Variants in CDKN3 observed in about 807,000 individuals in gnomAD.
The protein encoded by CDKN3 is cyclin dependent kinase inhibitor 3.
A neutral mutation model predicts 36.1 loss-of-function variants in CDKN3; 19 were observed. The observed-to-expected ratio is 0.53, with a 90% CI of 0.37 to 0.77. CDKN3 has a LOEUF of 0.77. Ranked by LOEUF, CDKN3 falls within the 30% of genes least tolerant of loss-of-function variation. The pLI is 0.00. For missense variants in CDKN3, 188 were observed against 248.6 expected, an observed-to-expected ratio of 0.76 and a Z score of 1.64; for synonymous variants, 71 against 85.3, an observed-to-expected ratio of 0.83 and a Z score of 0.92.
At chr14:54,409,900 A>AG (rs2030292721) in intron 4 of CDKN3, among the ~76,000 whole-genome samples, 3 of 152,028 alleles carry the variant, frequency 2.0e-5, no homozygotes, top group Admixed American at 1.3e-4. Context: ...CAAAAAAAAA[A>AG]AAAAAGTATT....
intron 3 of CDKN3, among the ~76,000 whole-genome samples, chr14:54,406,459 G>A (rs551925631): frequency 1.8e-4 from 28 of 152,120 alleles, no homozygotes; most frequent in African/African-American, 4.8e-4. Flanking sequence ...CATTCTCCCC[G>A]TCACTTTCAG....
chr14:54,399,431 A>G (rs1594597558), intron 1 of CDKN3, among the ~76,000 whole-genome samples: 1 of 152,038 alleles, frequency 6.6e-6, no homozygotes, highest in Admixed American at 6.6e-5. Flanking sequence ...CTTATATAAT[A>G]CCTTTCTTCT....
At position 54,411,574 on chromosome 14, in the gene CDKN3, T is replaced by C; in HGVS notation, c.284T>C (p.Leu95Pro). 1 of 1,614,120 alleles carries C rather than the reference T, an allele frequency of 6.2e-7. No homozygotes were observed. Among genetic ancestry groups the C allele is most frequent in the Non-Finnish European group, 8.5e-7 (1 of 1,179,998 alleles). ...TATAGAGTCCCAAACCTTCTGGATC[T>C]CTACCAGCAATGTGGAATTATCACC... ...SKYRVPNLLDLYQQCGIITHH... is the reference protein window; with the variant it reads ...SKYRVPNLLDPYQQCGIITHH... The change falls in exon 5 of 8, where the codon CTC becomes CCC. Residue 95 changes from leucine to proline, a missense_variant. Transcript: ENST00000335183.
chr14:54,406,642 C>T (rs1299227393), intron 3 of CDKN3, among the ~76,000 whole-genome samples: 2 of 151,870 alleles, frequency 1.3e-5, no homozygotes, highest in African/African-American at 4.8e-5. Context: ...GCTATTGATA[C>T]TTGTGTATGC....
In CDKN3 at chr14:54,397,013, G is replaced by A. The variant is rs1256927233; in HGVS notation, c.-56G>A. 1.4e-6 allele frequency: 2 copies of A among 1,438,006 alleles called. No individual in the cohort carries two copies. The highest frequency in any genetic ancestry group is 2.9e-5 in the East Asian group (1 of 34,352). The allele number at this position is 1,438,006 out of a possible 1,614,324, so 89.1% of individuals were successfully genotyped here. On this transcript the variant is annotated 5_prime_UTR_variant, in exon 1 of 8. Coordinates refer to ENST00000335183, the MANE Select transcript of CDKN3 (RefSeq NM_005192.4). ...GCGCGGGCTCGGCCGGGGCACCGGT[G>A]AGTCGCCGGCGCTGCAGAGGGAGGC...
chr14:54,419,709 G>C (rs1199708842), intron 7 of CDKN3, among the ~76,000 whole-genome samples: 1 of 152,070 alleles, frequency 6.6e-6, no homozygotes, highest in Non-Finnish European at 1.5e-5. Context: ...AATCTTATTT[G>C]GTCCTGTAAG....
Position 54,411,535 on chromosome 14 carries a change from G to T in CDKN3, c.245G>T (p.Gly82Val). The T allele has an allele frequency of 1.2e-6, 2 of 1,613,996 alleles. No homozygotes were observed. Among genetic ancestry groups the T allele is most frequent in the Non-Finnish European group, 1.7e-6 (2 of 1,180,012 alleles). Residue 82 changes from glycine (G) to valine (V), a missense_variant, in exon 5 of 8, where the codon GGG becomes GTG. Transcript: ENST00000335183. ...IQDIFVFCTR[G>V]ELSKYRVPNL... ...GACATATTTGTTTTCTGCACCAGAG[G>T]GGAACTGTCAAAATATAGAGTCCCA...
intron 1 of CDKN3, among the ~76,000 whole-genome samples, chr14:54,399,407 C>G (rs2139964266): frequency 1.3e-5 from 2 of 152,322 alleles, no homozygotes; most frequent in East Asian, 1.9e-4. Flanking sequence ...TATAGTTCTG[C>G]TTCCATTTCA....
intron 3 of CDKN3, among the ~76,000 whole-genome samples, chr14:54,401,834 T>C (rs2029957152): frequency 6.6e-6 from 1 of 152,176 alleles, no homozygotes; most frequent in African/African-American, 2.4e-5. Context: ...TATGCCTTTG[T>C]GTCCTCAAAG....
At chr14:54,419,917 A>T in intron 7 of CDKN3, 75 bp from the exon 8 acceptor site, 3 of 780,524 alleles carry the variant, frequency 3.8e-6, no homozygotes, top group Admixed American at 4.3e-5. Flanking sequence ...TTTATTCCTG[A>T]TACCTGCTAA....
At chr14:54,414,539 T>G (rs1244671191) in intron 5 of CDKN3, among the ~76,000 whole-genome samples, 1 of 151,116 alleles carries the variant, frequency 6.6e-6, no homozygotes, top group Non-Finnish European at 1.5e-5. Flanking sequence ...TGTTCTATCT[T>G]GATCTTTTTT....
At chr14:54,414,442 A>G (rs1280741057) in intron 5 of CDKN3, among the ~76,000 whole-genome samples, 2 of 152,190 alleles carry the variant, frequency 1.3e-5, no homozygotes, top group African/African-American at 2.4e-5. Context: ...GTTTTAAAAG[A>G]TAAGTAGGAA....
At chr14:54,405,049 G>T (rs989640611) in intron 3 of CDKN3, among the ~76,000 whole-genome samples, 1 of 152,166 alleles carries the variant, frequency 6.6e-6, no homozygotes, top group African/African-American at 2.4e-5. Context: ...CTGGTACATT[G>T]TGTCTCTGTT....
chr14:54,402,981 C>T (rs796133504), intron 3 of CDKN3, among the ~76,000 whole-genome samples: 5 of 152,198 alleles, frequency 3.3e-5, no homozygotes, highest in South Asian at 2.1e-4. Context: ...AGTCAGGTAG[C>T]GTGATGCCTC....
intron 4 of CDKN3, among the ~76,000 whole-genome samples, chr14:54,409,720 C>A (rs4251632): frequency 0.016 from 2,426 of 151,946 alleles, 73 homozygotes; most frequent in African/African-American, 0.055. Flanking sequence ...GTAGTCCCAG[C>A]AACTTGGGAG....
Position 54,418,947 on chromosome 14 carries a change from C to T in CDKN3, c.552+996C>T, listed in dbSNP as rs376570796. ...GCTGAGCTGGGTGGATCACTTAAGGCCAGGAGTTGGAGACCAGCCTGGCCA... is the reference window on the plus strand; with the variant it reads ...GCTGAGCTGGGTGGATCACTTAAGGTCAGGAGTTGGAGACCAGCCTGGCCA... On this transcript the variant is annotated intron_variant, in intron 7 of 7. Transcript: ENST00000335183. 2.0e-3 allele frequency among the ~76,000 whole-genome samples: 306 copies of T among 152,128 alleles called. 21 individuals carry two copies. In the South Asian group the frequency reaches 0.061, roughly 30 times the overall value.
chr14:54,413,916 G>C, intron 5 of CDKN3: 1 of 1,002,142 alleles, frequency 1.0e-6, no homozygotes, highest in Middle Eastern at 3.6e-4. Context: ...TCTAGAGGAT[G>C]TAAGTCCAAA....
chr14:54,410,355 G>A (rs773558466), intron 4 of CDKN3, among the ~76,000 whole-genome samples: 94 of 152,164 alleles, frequency 6.2e-4, no homozygotes, highest in Non-Finnish European at 1.2e-3. Context: ...ACATCTCAGG[G>A]ATTAGTTCAT....
Position 54,408,744 on chromosome 14 carries a change from G to A in CDKN3, c.149-1G>A. 1 of 1,575,316 alleles carries A rather than the reference G, an allele frequency of 6.3e-7. No homozygotes were observed. Among genetic ancestry groups the A allele is most frequent in the South Asian group, 1.2e-5 (1 of 81,352 alleles). On this transcript the variant is annotated splice_acceptor_variant, in intron 3 of 7. Coordinates refer to ENST00000335183, the MANE Select transcript of CDKN3 (RefSeq NM_005192.4). LOFTEE classifies it high-confidence loss of function. ...TTTACTTGCTTTATTATTACTTATA[G>A]GTTGTAAATTTAAAGATGTTAGAAG... is the stretch of plus-strand genomic sequence containing the variant.
Sources: gnomAD v4.1 joint callset for allele counts (sites outside exome capture counted in the v4.1 genomes callset) on GRCh38, gnomAD v4.1.1 for gene constraint, MANE v1.5 for transcripts, NCBI Gene and HGNC (gene_info 2026-07-23, HGNC 2026-07-21) for gene names.